The following HMCN1 variants were observed in gnomAD, a reference collection of about 807,000 sequenced individuals.
HMCN1 encodes the protein hemicentin-1.
A neutral mutation model predicts 625.9 loss-of-function variants in HMCN1; 321 were observed. The ratio of observed to expected loss-of-function variants is 0.51; its 90% CI spans 0.47 to 0.56. The LOEUF is 0.56. Among genes scored for constraint, HMCN1 ranks in the 20% least tolerant of loss-of-function variants. The pLI is 0.00. For synonymous variants in HMCN1, 2,425 were observed against 2,417.6 expected (o/e 1.00, Z -0.09); for missense variants, 6,588 against 6,887.3 (o/e 0.96, Z 1.54).
chr1:185,942,113 C>G (rs888293924), intron 11 of HMCN1, among the ~76,000 whole-genome samples: 1 of 151,166 alleles, frequency 6.6e-6, no homozygotes, highest in African/African-American at 2.4e-5. Context: ...ATCACTTACA[C>G]CCGGGAGGCG....
intron 1 of HMCN1, among the ~76,000 whole-genome samples, chr1:185,768,150 C>T (rs967835833): frequency 1.3e-5 from 2 of 152,140 alleles, no homozygotes; most frequent in Non-Finnish European, 2.9e-5. Context: ...AAACACCTAT[C>T]ATGTCAAAAT....
chr1:185,909,009 A>C (rs1666260619), intron 4 of HMCN1, among the ~76,000 whole-genome samples: 1 of 151,984 alleles, frequency 6.6e-6, no homozygotes, highest in South Asian at 2.1e-4. Context: ...TATGTTTTTA[A>C]ATAAGTTCTT....
Position 186,041,016 on chromosome 1 carries a change from C to G in HMCN1, c.6184C>G (p.Leu2062Val), listed in dbSNP as rs1656168063. 1 of 1,612,830 alleles carries G rather than the reference C, an allele frequency of 6.2e-7. No individual in the cohort carries two copies. The highest frequency in any genetic ancestry group is 2.2e-5 in the East Asian group (1 of 44,794). The change falls in exon 40 of 107, where the codon CTC (leucine) becomes GTC (valine). Residue 2062 changes from leucine (L) to valine (V), a missense_variant. By Grantham distance (32) the Leu-to-Val change is conservative. Coordinates refer to ENST00000271588, the MANE Select transcript of HMCN1 (RefSeq NM_031935.3). ...TTAGCGTTCTTACCATTGATAGGTTCTCTCTGGTGGTCGAATCCTAGCATT... is the reference window on the plus strand; with the variant it reads ...TTAGCGTTCTTACCATTGATAGGTTGTCTCTGGTGGTCGAATCCTAGCATT... ...VSSFSNGLQV[L>V]SGGRILALTS...
At chr1:185,892,807 G>T (rs184201589) in intron 4 of HMCN1, among the ~76,000 whole-genome samples, 9,552 of 152,060 alleles carry the variant, frequency 0.063, 1,058 homozygotes, top group African/African-American at 0.22. Context: ...TACAGAGGCA[G>T]GCAGGCCTCC....
intron 4 of HMCN1, among the ~76,000 whole-genome samples, chr1:185,901,176 C>A (rs115271723): frequency 1.3e-5 from 2 of 151,796 alleles, no homozygotes; most frequent in Non-Finnish European, 2.9e-5. Flanking sequence ...TAAGCCAGGA[C>A]GCAATTTGTT....
intron 1 of HMCN1, among the ~76,000 whole-genome samples, chr1:185,778,296 T>C (rs16824471): frequency 0.018 from 2,688 of 152,150 alleles, 78 homozygotes; most frequent in African/African-American, 0.062. Flanking sequence ...TGTGTTTCTC[T>C]ATGAAGGCTT....
Position 186,190,414 on chromosome 1 carries a change from A to G in HMCN1, c.*536A>G, listed in dbSNP as rs1653650082. 1 of 199,422 alleles carries G rather than the reference A, an allele frequency of 5.0e-6. No homozygotes were observed. The highest frequency in any genetic ancestry group is 2.3e-5 in the African/African-American group (1 of 43,106). The allele number at this position is 199,422 out of a possible 1,614,324, so 12.4% of individuals were successfully genotyped here. A position where few individuals can be genotyped will look rare whatever the true frequency, so the allele number is the denominator to read the frequency against. ...AGAAGAAAAACACCACTCATTTTAT[A>G]AAATATAGTACAGCTACTATAAGGC... On this transcript the variant is annotated 3_prime_UTR_variant, in exon 107 of 107. Coordinates refer to ENST00000271588, the MANE Select transcript of HMCN1 (RefSeq NM_031935.3).
intron 19 of HMCN1, 90 bp from the exon 20 acceptor site, chr1:185,987,342 T>G: frequency 1.2e-6 from 1 of 821,300 alleles, no homozygotes. Flanking sequence ...TTACAAACAT[T>G]GATGTTGTAA....
intron 2 of HMCN1, among the ~76,000 whole-genome samples, chr1:185,858,632 T>G (rs866216644): frequency 6.6e-5 from 8 of 121,026 alleles, no homozygotes; most frequent in African/African-American, 2.6e-4. Flanking sequence ...TTTTTTTTTT[T>G]TAGAGACGGG....
Position 185,808,518 on chromosome 1 carries a change from C to CA in HMCN1, c.269-37501dup, listed in dbSNP as rs1236804775. The stretch of plus-strand genomic sequence containing the variant: ...TGGGCAACAGAGCAAGACCTTGATC[C>CA]AAAAAAATTACTTAAAACTCAGCAA... On this transcript the variant is annotated intron_variant, in intron 1 of 106. Coordinates refer to ENST00000271588, the MANE Select transcript of HMCN1 (RefSeq NM_031935.3). Among the ~76,000 whole-genome samples, 51 of 152,050 alleles carry CA rather than the reference C, an allele frequency of 3.4e-4. 1 individual carries two copies. The highest frequency in any genetic ancestry group is 3.4e-3 in the Middle Eastern group (1 of 292).
Position 186,190,046 on chromosome 1 carries a change from C to G in HMCN1, c.*168C>G. 1 of 747,200 alleles carries G rather than the reference C, an allele frequency of 1.3e-6. No individual in the cohort carries two copies. The highest frequency in any genetic ancestry group is 2.3e-6 in the Non-Finnish European group (1 of 434,458). The allele number at this position is 747,200 out of a possible 1,614,324, so 46.3% of individuals were successfully genotyped here. ...GTACTTCTGAGGTATTTTCATGATC[C>G]CACCATGGTCATATCTTGAAGTATG... On this transcript the variant is annotated 3_prime_UTR_variant, in exon 107 of 107. Transcript: ENST00000271588.
chr1:186,106,790 T>G, intron 69 of HMCN1, 94 bp from the exon 70 acceptor site: 3 of 889,752 alleles, frequency 3.4e-6, no homozygotes, highest in Non-Finnish European at 5.7e-6. Context: ...TTGCTTTTGG[T>G]GTGGGGTTAT....
chr1:185,868,534 C>T (rs895161912), intron 4 of HMCN1, among the ~76,000 whole-genome samples: 20 of 152,118 alleles, frequency 1.3e-4, no homozygotes, highest in Non-Finnish European at 2.5e-4. Context: ...TCACTCAGCC[C>T]TTCTCTCTCC....
chr1:185,860,988 A>T (rs918046917), intron 2 of HMCN1, among the ~76,000 whole-genome samples: 10 of 152,212 alleles, frequency 6.6e-5, no homozygotes, highest in Non-Finnish European at 1.5e-4. Context: ...GTAGTCTTAG[A>T]GACCCTATTT....
chr1:186,135,145 G>A (rs549195414), intron 86 of HMCN1, among the ~76,000 whole-genome samples: 2 of 152,132 alleles, frequency 1.3e-5, no homozygotes, highest in South Asian at 2.1e-4. Flanking sequence ...CATCTGTCTT[G>A]GCACTGTAGA....
intron 26 of HMCN1, among the ~76,000 whole-genome samples, 190 bp downstream of exon 26, chr1:186,000,429 A>G (rs1045044659): frequency 6.6e-6 from 1 of 151,996 alleles, no homozygotes; most frequent in Non-Finnish European, 1.5e-5. Context: ...GTGACTTTAC[A>G]TCATTCAAAA....
chr1:185,965,419 A>AT (rs940803713), intron 13 of HMCN1, among the ~76,000 whole-genome samples: 1 of 151,810 alleles, frequency 6.6e-6, no homozygotes, highest in African/African-American at 2.4e-5. Context: ...TTTTGACTAT[A>AT]TTTTTCTTAG....
intron 1 of HMCN1, among the ~76,000 whole-genome samples, chr1:185,753,944 A>G (rs1351565785): frequency 6.6e-6 from 1 of 152,220 alleles, no homozygotes; most frequent in African/African-American, 2.4e-5. Flanking sequence ...ATTTGAGATC[A>G]GTATGTAGAA....
intron 83 of HMCN1, 28 bp downstream of exon 83, chr1:186,128,319 A>G (rs1363694885): frequency 1.9e-6 from 3 of 1,543,440 alleles, no homozygotes; most frequent in Non-Finnish European, 2.7e-6. Context: ...CAAGAAGTGA[A>G]TAAATACACC....
Sources: allele counts gnomAD v4.1 joint callset (sites outside exome capture counted in the v4.1 genomes callset), GRCh38; gene constraint gnomAD v4.1.1; transcripts MANE v1.5; gene names NCBI Gene and HGNC (gene_info 2026-07-23, HGNC 2026-07-21).